Variants in SLC35E3 observed in about 807,000 individuals in gnomAD.
SLC35E3 encodes the protein solute carrier family 35 member E3.
A neutral mutation model predicts 30.8 loss-of-function variants in SLC35E3; 28 were observed. That is an observed-to-expected ratio of 0.91 (90% CI 0.67 to 1.25). The LOEUF (loss-of-function observed/expected upper bound fraction) is 1.25. SLC35E3 is among the 50% of genes most tolerant of loss of function. SLC35E3 has a pLI of 0.00. For missense variants in SLC35E3, 365 were observed against 375.4 expected, an observed-to-expected ratio of 0.97 and a Z score of 0.23; for synonymous variants, 146 against 149.2, an observed-to-expected ratio of 0.98 and a Z score of 0.16.
Position 68,765,334 on chromosome 12 carries a change from A to G in SLC35E3, c.*444A>G, listed in dbSNP as rs1166080959. 1 of 152,344 alleles carries G rather than the reference A, an allele frequency of 6.6e-6. No homozygotes were observed. Among genetic ancestry groups the G allele is most frequent in the African/African-American group, 2.4e-5 (1 of 41,418 alleles). 9.4% of individuals were successfully genotyped at this position (152,344 alleles called of 1,614,324 possible). A position where few individuals can be genotyped will look rare whatever the true frequency, so the allele number is the denominator to read the frequency against. On this transcript the variant is annotated 3_prime_UTR_variant, in exon 5 of 5. Transcript: ENST00000398004. The stretch of plus-strand genomic sequence containing the variant: ...ACACAAAGCAGATTTTATTCATATA[A>G]TGACTTTTTTTTAAGAGTCTCTTTT...
At chr12:68,759,010 T>C in intron 3 of SLC35E3, 147 bp from the exon 4 acceptor site, 1 of 613,118 alleles carries the variant, frequency 1.6e-6, no homozygotes, top group Non-Finnish European at 2.8e-6. Context: ...ATTACAGGCG[T>C]GAGCCACCGC....
At position 68,770,910 on chromosome 12, in the gene SLC35E3, A is replaced by C. The variant is rs775008471; in HGVS notation, c.*6020A>C. On this transcript the variant is annotated 3_prime_UTR_variant, in exon 5 of 5. Coordinates refer to ENST00000398004, the MANE Select transcript of SLC35E3 (RefSeq NM_018656.5). ...GGTGCCATTCTCTGAACTAGGAAAC[A>C]CAAGAAGAGGACTGAGGAGAGGGAT... The C allele has an allele frequency of 4.2e-5, 8 of 189,874 alleles. No homozygotes were observed. The highest frequency in any genetic ancestry group is 7.9e-5 in the Non-Finnish European group (7 of 88,566). The allele number at this position is 189,874 out of a possible 1,614,324, so 11.8% of individuals were successfully genotyped here.
At chr12:68,755,507 T>G (rs188190220) in intron 3 of SLC35E3, among the ~76,000 whole-genome samples, 1 of 152,314 alleles carries the variant, frequency 6.6e-6, no homozygotes, top group East Asian at 1.9e-4. Context: ...TATTAGTCCA[T>G]TTTATGATGT....
intron 2 of SLC35E3, among the ~76,000 whole-genome samples, chr12:68,751,112 A>G (rs1292099290): frequency 1.3e-5 from 2 of 152,064 alleles, no homozygotes; most frequent in East Asian, 3.8e-4. Context: ...ATCTAGGTGT[A>G]TTGGTGGGGG....
chr12:68,762,702 T>G (rs562745125), intron 4 of SLC35E3, among the ~76,000 whole-genome samples: 1 of 152,300 alleles, frequency 6.6e-6, no homozygotes, highest in East Asian at 1.9e-4. Context: ...GTAAAGAAAT[T>G]TAAAGTGTTA....
chr12:68,761,472 G>A (rs1445359323), intron 4 of SLC35E3, among the ~76,000 whole-genome samples: 1 of 152,166 alleles, frequency 6.6e-6, no homozygotes, highest in East Asian at 1.9e-4. Flanking sequence ...TCAACCTCTG[G>A]GCTGTTGACT....
chr12:68,771,267 CTA>C lies in SLC35E3; in HGVS notation c.*6379_*6380del, dbSNP rs1016602760. 6.8e-6 allele frequency: 1 copy of C among 147,304 alleles called. No individual in the cohort carries two copies. The highest frequency in any genetic ancestry group is 1.5e-5 in the Non-Finnish European group (1 of 67,372). 9.1% of individuals were successfully genotyped at this position (147,304 alleles called of 1,614,324 possible). A position where few individuals can be genotyped will look rare whatever the true frequency, so the allele number is the denominator to read the frequency against. On this transcript the variant is annotated 3_prime_UTR_variant, in exon 5 of 5. Transcript: ENST00000398004. Reference sequence around the variant, plus strand: ...CCAGCCTGGGTGACAGAGAGAGACTCTATCTCAGAAAAAAAAAAAAAAGATGT... The same window carrying C: ...CCAGCCTGGGTGACAGAGAGAGACTCTCTCAGAAAAAAAAAAAAAAGATGT...
At chr12:68,751,454 G>A (rs1218955730) in intron 2 of SLC35E3, among the ~76,000 whole-genome samples, 1 of 151,950 alleles carries the variant, frequency 6.6e-6, no homozygotes, top group Non-Finnish European at 1.5e-5. Context: ...CCGCCACCAC[G>A]CCCAGCTAAT....
chr12:68,764,683 A>G, intron 4 of SLC35E3, 21 bp from the exon 5 acceptor site: 1 of 1,608,950 alleles, frequency 6.2e-7, no homozygotes, highest in African/African-American at 1.3e-5. Flanking sequence ...ATTCCTTTTT[A>G]TCCTTATCCA....
In SLC35E3 at chr12:68,746,781, T is replaced by C. The variant is rs778472633; in HGVS notation, c.402+2T>C. On this transcript the variant is annotated splice_donor_variant, in intron 1 of 4. Transcript: ENST00000398004. LOFTEE classifies it high-confidence loss of function. ...TCCACCAGAATCCAGCTCACGCTGG[T>C]GAGTAGCTTCAGCTTCCCAAGGCGC... 4 of 1,566,606 alleles carry C rather than the reference T, an allele frequency of 2.6e-6. No homozygotes were observed. Among genetic ancestry groups the C allele is most frequent in the Admixed American group, 3.8e-5 (2 of 53,080 alleles).
chr12:68,775,501 T>C lies in SLC35E3; in HGVS notation c.*10611T>C, dbSNP rs1390672546. 2.0e-5 allele frequency: 3 copies of C among 152,200 alleles called. No homozygotes were observed. The highest frequency in any genetic ancestry group is 2.0e-4 in the Admixed American group (3 of 15,282). 9.4% of individuals were successfully genotyped at this position (152,200 alleles called of 1,614,324 possible). On this transcript the variant is annotated 3_prime_UTR_variant, in exon 5 of 5. Coordinates refer to ENST00000398004, the MANE Select transcript of SLC35E3 (RefSeq NM_018656.5). Reference sequence around the variant, plus strand: ...ACTTGAGCATGGTAGCTCAGGTCTCTCTTCCTCTTCTTATAAAGGCACCAG... The same window carrying C: ...ACTTGAGCATGGTAGCTCAGGTCTCCCTTCCTCTTCTTATAAAGGCACCAG...
rs926848534 is a variant in SLC35E3, at chr12:68,779,544, C to T, written c.*14654C>T. ...TGGCTGGAACCAGAAAGGATATAAG[C>T]ATGGTTTGAGAAGGAAAAAAAGCTT... On this transcript the variant is annotated 3_prime_UTR_variant, in exon 5 of 5. Coordinates refer to ENST00000398004, the MANE Select transcript of SLC35E3 (RefSeq NM_018656.5). 3.3e-5 allele frequency: 5 copies of T among 151,980 alleles called. No individual in the cohort carries two copies. Among genetic ancestry groups the T allele is most frequent in the Non-Finnish European group, 5.9e-5 (4 of 68,032 alleles). 9.4% of individuals were successfully genotyped at this position (151,980 alleles called of 1,614,324 possible).
chr12:68,753,809 T>TAC (rs1229325376), intron 3 of SLC35E3, among the ~76,000 whole-genome samples: 8,013 of 148,386 alleles, frequency 0.054, 381 homozygotes, highest in African/African-American at 0.13. Flanking sequence ...TATATATCCA[T>TAC]ACACACACAC....
chr12:68,753,511 C>T (rs1565713246), intron 3 of SLC35E3, among the ~76,000 whole-genome samples: 1 of 151,856 alleles, frequency 6.6e-6, no homozygotes, highest in Non-Finnish European at 1.5e-5. Context: ...CCTCTGGAAC[C>T]CTATCACACT....
intron 3 of SLC35E3, among the ~76,000 whole-genome samples, chr12:68,753,111 CAAAAAAA>C (rs34737156): frequency 8.2e-6 from 1 of 122,406 alleles, no homozygotes; most frequent in Admixed American, 8.4e-5. Context: ...ACACCTGTCT[CAAAAAAA>C]AAAAAAAAAA....
Position 68,778,326 on chromosome 12 carries a change from G to A in SLC35E3, c.*13436G>A, listed in dbSNP as rs1879797307. The A allele has an allele frequency of 6.6e-6, 1 of 152,042 alleles. No individual in the cohort carries two copies. The allele number at this position is 152,042 out of a possible 1,614,324, so 9.4% of individuals were successfully genotyped here. A position where few individuals can be genotyped will look rare whatever the true frequency, so the allele number is the denominator to read the frequency against. On this transcript the variant is annotated 3_prime_UTR_variant, in exon 5 of 5. Coordinates refer to ENST00000398004, the MANE Select transcript of SLC35E3 (RefSeq NM_018656.5). Reference sequence around the variant, plus strand: ...TTAAATACTTCTAATAGAGGTGATAGAGCAGGCAGCAGGGAAGTTAGTAAC... The same window carrying A: ...TTAAATACTTCTAATAGAGGTGATAAAGCAGGCAGCAGGGAAGTTAGTAAC...
At chr12:68,755,402 T>A (rs1041716311) in intron 3 of SLC35E3, among the ~76,000 whole-genome samples, 4 of 152,318 alleles carry the variant, frequency 2.6e-5, no homozygotes, top group South Asian at 4.1e-4. Flanking sequence ...ATATAGCCCT[T>A]AGTCTGTTCC....
chr12:68,763,257 G>C (rs1454063394), intron 4 of SLC35E3, among the ~76,000 whole-genome samples: 1 of 152,060 alleles, frequency 6.6e-6, no homozygotes, highest in Non-Finnish European at 1.5e-5. Flanking sequence ...AGTGGTGGCT[G>C]TTTCTAGTGT....
chr12:68,755,859 T>C (rs945765852), intron 3 of SLC35E3, among the ~76,000 whole-genome samples: 3 of 152,142 alleles, frequency 2.0e-5, no homozygotes, highest in Non-Finnish European at 4.4e-5. Flanking sequence ...ACTTCCAACA[T>C]TGGTGATCAA....
Sources: allele counts gnomAD v4.1 joint callset (sites outside exome capture counted in the v4.1 genomes callset), GRCh38; gene constraint gnomAD v4.1.1; transcripts MANE v1.5; gene names NCBI Gene and HGNC (gene_info 2026-07-23, HGNC 2026-07-21).